The following SMC4 variants were observed in gnomAD, a reference collection of about 807,000 sequenced individuals.
SMC4 encodes the protein structural maintenance of chromosomes protein 4.
Under a neutral mutation model 145.6 loss-of-function variants are expected in SMC4, and 87 were observed. The ratio of observed to expected loss-of-function variants is 0.60; its 90% CI spans 0.50 to 0.71. SMC4 has a LOEUF of 0.71. SMC4 is among the 30% of genes least tolerant of loss of function. The pLI is 0.00. For synonymous variants in SMC4, 558 were observed against 500.7 expected (o/e 1.11, Z -1.53); for missense variants, 1,447 against 1,537.1 (o/e 0.94, Z 0.98).
At position 160,410,425 on chromosome 3, in the gene SMC4, A is replaced by C. The variant is rs536521457; in HGVS notation, c.688-1495A>C. Among the ~76,000 whole-genome samples, 19 of 152,320 alleles carry C rather than the reference A, an allele frequency of 1.2e-4. No individual in the cohort carries two copies. In the Middle Eastern group the frequency reaches 0.014, roughly 109 times the overall value. ...TCCTGTGTAATCCAAAGGTTTGGGC[A>C]TTTTTCCAGGCTTCAATCCTGTCTA... On this transcript the variant is annotated intron_variant, in intron 5 of 23. Transcript: ENST00000357388.
intron 5 of SMC4, among the ~76,000 whole-genome samples, chr3:160,409,265 C>CAAAAAAAAAAAAAAAAAA (rs10547167): frequency 1.6e-5 from 1 of 61,946 alleles, no homozygotes; most frequent in African/African-American, 5.9e-5. Flanking sequence ...AACTCCGTCT[C>CAAAAAAAAAAAAAAAAAA]AAAAAAAAAA....
At chr3:160,429,891 AT>A (rs1331044683) in intron 18 of SMC4, among the ~76,000 whole-genome samples, 1 of 150,762 alleles carries the variant, frequency 6.6e-6, no homozygotes, top group African/African-American at 2.4e-5. Flanking sequence ...TAATTTTTGT[AT>A]TTTTAGTAGA....
chr3:160,400,021 T>C (rs1714328519), intron 1 of SMC4: 1 of 152,202 alleles, frequency 6.6e-6, no homozygotes, highest in African/African-American at 2.4e-5. Flanking sequence ...AAAATCCTAG[T>C]CTCTATCTGG....
Position 160,402,013 on chromosome 3 carries a change from C to G in SMC4, c.238C>G (p.Pro80Ala). Residue 80 changes from proline (P) to alanine (A), a missense_variant, in exon 3 of 24, where the codon CCT (proline) becomes GCT (alanine). Pro to Ala is a conservative substitution (Grantham distance 27). Transcript: ENST00000357388. ...AGCAATGACCAATGAAGCTGGAGCT[C>G]CTCGGCTTATGATAACTCATATTGT... ...PPAMTNEAGA[P>A]RLMITHIVNQ... is the part of the protein sequence containing the mutation. The G allele has an allele frequency of 6.2e-7, 1 of 1,601,518 alleles. No homozygotes were observed. Among genetic ancestry groups the G allele is most frequent in the Non-Finnish European group, 8.5e-7 (1 of 1,174,912 alleles).
rs1399672936 is a variant in SMC4 at position 160,431,213 on chromosome 3, T to C, written c.3114+8T>C. ...AAATATTGGCACAAAGAGGTGAGAT[T>C]GTTACCGTTTAGTTTAATTTTAAAC... On this transcript the variant is annotated splice_region_variant and intron_variant, in intron 20 of 23. Transcript: ENST00000357388. 2 of 1,562,794 alleles carry C rather than the reference T, an allele frequency of 1.3e-6. No homozygotes were observed. Among genetic ancestry groups the C allele is most frequent in the African/African-American group, 2.8e-5 (2 of 71,918 alleles).
At chr3:160,430,291 A>G (rs904578653) in intron 18 of SMC4, among the ~76,000 whole-genome samples, 10 of 152,166 alleles carry the variant, frequency 6.6e-5, no homozygotes, top group Middle Eastern at 3.4e-3. Flanking sequence ...AGATTTAACA[A>G]TCTCTGACGA....
chr3:160,424,982 T>G lies in SMC4; in HGVS notation c.2441T>G (p.Met814Arg), dbSNP rs1315198863. 3 of 1,612,124 alleles carry G rather than the reference T, an allele frequency of 1.9e-6. No homozygotes were observed. Among genetic ancestry groups the G allele is most frequent in the Non-Finnish European group, 2.5e-6 (3 of 1,179,598 alleles). Reference protein sequence around the residue: ...VVKLRHSEREMRNTLEKFTAS... With the variant: ...VVKLRHSERERRNTLEKFTAS... ...AAGTTACGGCATAGTGAACGAGAAA[T>G]GAGGAACACACTAGAAAAATTTACT... The change falls in exon 16 of 24, where the codon ATG becomes AGG. Residue 814 changes from methionine to arginine, a missense_variant. Coordinates refer to ENST00000357388, the MANE Select transcript of SMC4 (RefSeq NM_001002800.3).
At position 160,426,182 on chromosome 3, in the gene SMC4, G is replaced by T. The variant is rs372084124; in HGVS notation, c.2587G>T (p.Val863Phe). ...KKKQKLLEEN[V>F]SAFKTEYDAV... The stretch of plus-strand genomic sequence containing the variant: ...AAAGCAGAAATTGCTAGAAGAAAAC[G>T]TTAGTGCTTTCAAAACAGGTATGTT... Residue 863 changes from valine (V) to phenylalanine (F), a missense_variant, in exon 17 of 24, where the codon GTT becomes TTT. Transcript: ENST00000357388. 15 of 1,607,600 alleles carry T rather than the reference G, an allele frequency of 9.3e-6. No individual in the cohort carries two copies. The highest frequency in any genetic ancestry group is 1.2e-5 in the Non-Finnish European group (14 of 1,177,612).
Position 160,414,441 on chromosome 3 carries a change from A to C in SMC4, c.1196A>C (p.Gln399Pro). ...ACACAGCTAGATTTGGAAGATGTTC[A>C]AGTTAGAGAAAAGTTAAAACATGCC... is the stretch of plus-strand genomic sequence containing the variant. ...KFTQLDLEDV[Q>P]VREKLKHATS... Residue 399 changes from glutamine (Q) to proline (P), a missense_variant, in exon 9 of 24, where the codon CAA becomes CCA. Gln to Pro is a moderately conservative substitution (Grantham distance 76, BLOSUM62 -1). Transcript: ENST00000357388. 1 of 1,610,814 alleles carries C rather than the reference A, an allele frequency of 6.2e-7. No individual in the cohort carries two copies. Among genetic ancestry groups the C allele is most frequent in the Non-Finnish European group, 8.5e-7 (1 of 1,178,886 alleles).
At chr3:160,412,283 A>C (rs775858567) in intron 6 of SMC4, 43 bp from the exon 7 acceptor site, 3 of 1,545,720 alleles carry the variant, frequency 1.9e-6, no homozygotes, top group South Asian at 1.2e-5. Context: ...CATATTGTAC[A>C]TATGAAGTGT....
chr3:160,426,528 T>C (rs1226962006), intron 17 of SMC4, among the ~76,000 whole-genome samples: 2 of 152,202 alleles, frequency 1.3e-5, no homozygotes, highest in Non-Finnish European at 2.9e-5. Flanking sequence ...AGAAAAATTA[T>C]ATCACTCAGA....
At chr3:160,420,256 G>A (rs1390069879) in intron 12 of SMC4, among the ~76,000 whole-genome samples, 1 of 152,182 alleles carries the variant, frequency 6.6e-6, no homozygotes, top group Non-Finnish European at 1.5e-5. Flanking sequence ...GGAACAAATT[G>A]ATGTAAAAAT....
In SMC4 at chr3:160,434,002, C is replaced by T; in HGVS notation, c.*193C>T. The T allele has an allele frequency of 2.3e-6, 1 of 433,796 alleles. No individual in the cohort carries two copies. Among genetic ancestry groups the T allele is most frequent in the Non-Finnish European group, 4.1e-6 (1 of 246,542 alleles). 26.9% of individuals were successfully genotyped at this position (433,796 alleles called of 1,614,324 possible). A position where few individuals can be genotyped will look rare whatever the true frequency, so the allele number is the denominator to read the frequency against. On this transcript the variant is annotated 3_prime_UTR_variant, in exon 24 of 24. Coordinates refer to ENST00000357388, the MANE Select transcript of SMC4 (RefSeq NM_001002800.3). ...TTGCTTCTAGATTACAAAAATATGACAATCTTGTAAGTAGCAGACTATGGA... is the reference window on the plus strand; with the variant it reads ...TTGCTTCTAGATTACAAAAATATGATAATCTTGTAAGTAGCAGACTATGGA...
intron 7 of SMC4, among the ~76,000 whole-genome samples, chr3:160,413,250 C>G (rs1219866537): frequency 6.6e-6 from 1 of 152,054 alleles, no homozygotes; most frequent in Non-Finnish European, 1.5e-5. Context: ...TCCTAAAGTG[C>G]TGGGATTACA....
chr3:160,409,883 A>G (rs1715787285), intron 5 of SMC4, among the ~76,000 whole-genome samples: 1 of 152,164 alleles, frequency 6.6e-6, no homozygotes, highest in Non-Finnish European at 1.5e-5. Flanking sequence ...CCTGGGCAAC[A>G]TAGAGGGACC....
chr3:160,401,246 A>T (rs1404978408), intron 2 of SMC4, among the ~76,000 whole-genome samples: 1 of 152,134 alleles, frequency 6.6e-6, no homozygotes, highest in East Asian at 1.9e-4. Context: ...ACAAAAATTC[A>T]ATATCTTTAT....
chr3:160,403,441 TC>T, intron 4 of SMC4, among the ~76,000 whole-genome samples: 1 of 152,286 alleles, frequency 6.6e-6, no homozygotes, highest in Non-Finnish European at 1.5e-5. Context: ...TGAGACTTTT[TC>T]TCTTCTGTTT....
chr3:160,409,269 A>C (rs1216284926), intron 5 of SMC4, among the ~76,000 whole-genome samples: 1 of 38,276 alleles, frequency 2.6e-5, no homozygotes, highest in Admixed American at 2.1e-4. Context: ...CCGTCTCAAA[A>C]AAAAAAAAAA....
In SMC4 at chr3:160,401,043, G is replaced by T. The variant is rs1576928705; in HGVS notation, c.139+78G>T. On this transcript the variant is annotated intron_variant, in intron 2 of 23. Coordinates refer to ENST00000357388, the MANE Select transcript of SMC4 (RefSeq NM_001002800.3). ...AAACGCGCCCAGCCCGAGGCTGGCTGGGGTTGTTGAGCGCGGAGTTGACAT... is the reference window on the plus strand; with the variant it reads ...AAACGCGCCCAGCCCGAGGCTGGCTTGGGTTGTTGAGCGCGGAGTTGACAT... 2.2e-6 allele frequency: 3 copies of T among 1,347,996 alleles called. No individual in the cohort carries two copies. In the East Asian group the frequency reaches 9.3e-5, roughly 42 times the overall value. 83.5% of individuals were successfully genotyped at this position (1,347,996 alleles called of 1,614,324 possible). A position where few individuals can be genotyped will look rare whatever the true frequency, so the allele number is the denominator to read the frequency against.
Sources: allele counts gnomAD v4.1 joint callset (sites outside exome capture counted in the v4.1 genomes callset), GRCh38; gene constraint gnomAD v4.1.1; transcripts MANE v1.5; gene names NCBI Gene and HGNC (gene_info 2026-07-23, HGNC 2026-07-21).